The following CDKN1B variants were observed in gnomAD, a reference collection of about 807,000 sequenced individuals.
The protein encoded by CDKN1B is cyclin dependent kinase inhibitor 1B.
CDKN1B carries 7 observed loss-of-function variants against 17.1 expected under a neutral mutation model. The observed-to-expected ratio is 0.41, with a 90% confidence interval of 0.23 to 0.77. The LOEUF is 0.77. CDKN1B is among the 30% of genes least tolerant of loss of function. CDKN1B has a pLI of 0.33. For synonymous variants in CDKN1B, 149 were observed against 104.3 expected (o/e 1.43, Z -2.61); for missense variants, 337 against 262.0 (o/e 1.29, Z -1.98).
rs1245541652 is a variant in CDKN1B at position 12,717,827 on chromosome 12, A to G, written c.-13A>G. Reference sequence around the variant, plus strand: ...GAGTGCGAGAGAGGCGGTCGTGCAGACCCGGGAGAAAGATGTCAAACGTGC... The same window carrying G: ...GAGTGCGAGAGAGGCGGTCGTGCAGGCCCGGGAGAAAGATGTCAAACGTGC... On this transcript the variant is annotated 5_prime_UTR_variant, in exon 1 of 3. Coordinates refer to ENST00000228872, the MANE Select transcript of CDKN1B (RefSeq NM_004064.5). 1.2e-6 allele frequency: 2 copies of G among 1,610,926 alleles called. No individual in the cohort carries two copies. Among genetic ancestry groups the G allele is most frequent in the Non-Finnish European group, 1.7e-6 (2 of 1,179,786 alleles).
chr12:12,717,423 C>T lies in CDKN1B; in HGVS notation c.-417C>T, dbSNP rs1003239437. 17 of 1,228,974 alleles carry T rather than the reference C, an allele frequency of 1.4e-5. No individual in the cohort carries two copies. The highest frequency in any genetic ancestry group is 3.8e-5 in the East Asian group (1 of 26,558). 76.1% of individuals were successfully genotyped at this position (1,228,974 alleles called of 1,614,324 possible). A position where few individuals can be genotyped will look rare whatever the true frequency, so the allele number is the denominator to read the frequency against. ...ATTGGGCCACTAAAAAAAGGGGGCT[C>T]GTCTTTTCGGGGTGTTTTTCTCCCC... On this transcript the variant is annotated 5_prime_UTR_variant, in exon 1 of 3. Coordinates refer to ENST00000228872, the MANE Select transcript of CDKN1B (RefSeq NM_004064.5).
rs1198686310 is a variant in CDKN1B, at chr12:12,718,095, G to C, written c.256G>C (p.Glu86Gln). ...AGAGGTGGAGAAGGGCAGCTTGCCC[G>C]AGTTCTACTACAGACCCCCGCGGCC... ...WQEVEKGSLP[E>Q]FYYRPPRPPK... Residue 86 changes from glutamate (E) to glutamine (Q), a missense_variant, in exon 1 of 3, where the codon GAG becomes CAG. Transcript: ENST00000228872. 1 of 1,614,218 alleles carries C rather than the reference G, an allele frequency of 6.2e-7. No individual in the cohort carries two copies. The highest frequency in any genetic ancestry group is 8.5e-7 in the Non-Finnish European group (1 of 1,180,032).
In CDKN1B at chr12:12,718,273, C is replaced by T. The variant is rs1946499288; in HGVS notation, c.434C>T (p.Ala145Val). The T allele has an allele frequency of 6.3e-7, 1 of 1,599,564 alleles. No homozygotes were observed. The highest frequency in any genetic ancestry group is 8.5e-7 in the Non-Finnish European group (1 of 1,174,948). ...TDPSDSQTGL[A>V]EQCAGIRKRP... Reference sequence around the variant, plus strand: ...CCGTCGGACAGCCAGACGGGGTTAGCGGAGCAATGCGCAGGAATAAGGAAG... The same window carrying T: ...CCGTCGGACAGCCAGACGGGGTTAGTGGAGCAATGCGCAGGAATAAGGAAG... Residue 145 changes from alanine to valine, a missense_variant, in exon 1 of 3, where the codon GCG becomes GTG. Transcript: ENST00000228872.
In CDKN1B at chr12:12,718,324, C is replaced by A. The variant is rs36101844; in HGVS notation, c.475+10C>A. ...CGACCTGCAACCGACGGTAATGACC[C>A]TTTCCCAACCATAGAATGTGTTTGG... is the stretch of plus-strand genomic sequence containing the variant. On this transcript the variant is annotated intron_variant, in intron 1 of 2. Coordinates refer to ENST00000228872, the MANE Select transcript of CDKN1B (RefSeq NM_004064.5). The A allele has an allele frequency of 1.9e-6, 3 of 1,598,356 alleles. No individual in the cohort carries two copies. The highest frequency in any genetic ancestry group is 1.7e-4 in the Middle Eastern group (1 of 6,060).
At chr12:12,718,740 CCT>C (rs1946508829) in intron 1 of CDKN1B, 83 bp from the exon 2 acceptor site, 3 of 1,544,894 alleles carry the variant, frequency 1.9e-6, no homozygotes, top group Non-Finnish European at 2.7e-6. Flanking sequence ...TTTTTCATCC[CCT>C]GACTATGGGG....
At chr12:12,719,160 C>G (rs189195640) in intron 2 of CDKN1B, 3 of 612,174 alleles carry the variant, frequency 4.9e-6, no homozygotes, top group Admixed American at 3.0e-5. Flanking sequence ...TCTCTTCAAA[C>G]TGTTGACCAG....
In CDKN1B at chr12:12,718,390, C is replaced by T. The variant is rs1026073042; in HGVS notation, c.475+76C>T. The stretch of plus-strand genomic sequence containing the variant: ...GCTGGAGGGTGTTAACCTTAGCTTG[C>T]TTTTCGGCGTATTCTGATTTAGCTT... On this transcript the variant is annotated intron_variant, in intron 1 of 2. Coordinates refer to ENST00000228872, the MANE Select transcript of CDKN1B (RefSeq NM_004064.5). 7.6e-6 allele frequency: 10 copies of T among 1,324,196 alleles called. No homozygotes were observed. In the African/African-American group the frequency reaches 1.2e-4, roughly 15 times the overall value. 82.0% of individuals were successfully genotyped at this position (1,324,196 alleles called of 1,614,324 possible).
Position 12,719,074 on chromosome 12 carries a change from G to A in CDKN1B, c.*8+120G>A, listed in dbSNP as rs1431777902. ...TGGGGTTTTGTTTTGTTTATACTTCGTGAGGTCAAAAAAGTAGCAATGGGG... is the reference window on the plus strand; with the variant it reads ...TGGGGTTTTGTTTTGTTTATACTTCATGAGGTCAAAAAAGTAGCAATGGGG... On this transcript the variant is annotated intron_variant, in intron 2 of 2. Coordinates refer to ENST00000228872, the MANE Select transcript of CDKN1B (RefSeq NM_004064.5). 2.3e-6 allele frequency: 3 copies of A among 1,310,440 alleles called. No homozygotes were observed. In the African/African-American group the frequency reaches 4.4e-5, roughly 19 times the overall value. The allele number at this position is 1,310,440 out of a possible 1,614,324, so 81.2% of individuals were successfully genotyped here.
At chr12:12,719,199 G>A (rs1946518069) in intron 2 of CDKN1B, 1 of 492,914 alleles carries the variant, frequency 2.0e-6, no homozygotes, top group Non-Finnish European at 3.7e-6. Flanking sequence ...AGGCCCCATC[G>A]GGTAGGAAGG....
In CDKN1B at chr12:12,721,187, A is replaced by G; in HGVS notation, c.*160A>G. ...AAAACAACAACACAATAACACTAAA[A>G]TTTTAGGCACTCTTAAATGATCTGC... On this transcript the variant is annotated 3_prime_UTR_variant, in exon 3 of 3. Coordinates refer to ENST00000228872, the MANE Select transcript of CDKN1B (RefSeq NM_004064.5). 1.3e-6 allele frequency: 1 copy of G among 770,746 alleles called. No individual in the cohort carries two copies. Among genetic ancestry groups the G allele is most frequent in the Non-Finnish European group, 2.4e-6 (1 of 414,584 alleles). The allele number at this position is 770,746 out of a possible 1,614,324, so 47.7% of individuals were successfully genotyped here.
rs1060500192 is a variant in CDKN1B at position 12,718,200 on chromosome 12, G to A, written c.361G>A (p.Ala121Thr). Reference protein sequence around the residue: ...GSRPAAPLIGAPANSEDTHLV... With the variant: ...GSRPAAPLIGTPANSEDTHLV... ...CCGCCCGGCGGCGCCTTTAATTGGG[G>A]CTCCGGCTAACTCTGAGGACACGCA... The change falls in exon 1 of 3, where the codon GCT becomes ACT. Residue 121 changes from alanine to threonine, a missense_variant. Transcript: ENST00000228872. 6 of 1,612,976 alleles carry A rather than the reference G, an allele frequency of 3.7e-6. No homozygotes were observed. The highest frequency in any genetic ancestry group is 1.1e-5 in the South Asian group (1 of 91,088).
intron 2 of CDKN1B, 72 bp from the exon 3 acceptor site, chr12:12,720,964 A>T (rs1415563533): frequency 3.5e-6 from 2 of 566,230 alleles, no homozygotes; most frequent in Non-Finnish European, 6.3e-6. Flanking sequence ...TGACAAAATA[A>T]TTCCTGTACT....
At chr12:12,719,458 A>C (rs552445491) in intron 2 of CDKN1B, 1 of 168,810 alleles carries the variant, frequency 5.9e-6, no homozygotes, top group South Asian at 1.3e-4. Flanking sequence ...AGAGATGTGA[A>C]TAGGATGGTA....
rs1260635377 is a variant in CDKN1B at position 12,718,863 on chromosome 12, G to C, written c.514G>C (p.Glu172Gln). The C allele has an allele frequency of 6.2e-7, 1 of 1,614,138 alleles. No individual in the cohort carries two copies. Among genetic ancestry groups the C allele is most frequent in the East Asian group, 2.2e-5 (1 of 44,888 alleles). ...TQNKRANRTE[E>Q]NVSDGSPNAG... ...AAACAAAAGAGCCAACAGAACAGAA[G>C]AAAATGTTTCAGACGGTTCCCCAAA... The change falls in exon 2 of 3, where the codon GAA becomes CAA. Residue 172 changes from glutamate (E) to glutamine (Q), a missense_variant. Glu to Gln is a conservative substitution (Grantham distance 29). Transcript: ENST00000228872.
At chr12:12,718,763 C>T (rs997603434) in intron 1 of CDKN1B, 62 bp from the exon 2 acceptor site, 9 of 1,601,518 alleles carry the variant, frequency 5.6e-6, no homozygotes, top group Non-Finnish European at 7.7e-6. Flanking sequence ...CCAACTTCTG[C>T]CAGCCATTGT....
intron 2 of CDKN1B, among the ~76,000 whole-genome samples, chr12:12,720,570 CTATT>C (rs1216421692): frequency 1.3e-5 from 2 of 151,938 alleles, no homozygotes; most frequent in Non-Finnish European, 2.9e-5. Context: ...CCTAATTATC[CTATT>C]TATTTCCCAC....
At position 12,721,315 on chromosome 12, in the gene CDKN1B, C is replaced by T. The variant is rs1377803247; in HGVS notation, c.*288C>T. The stretch of plus-strand genomic sequence containing the variant: ...TTTTACCTTTTATGTAGCACATAAA[C>T]TTTGGGGAAGGGAGGGCAGGGTGGG... On this transcript the variant is annotated 3_prime_UTR_variant, in exon 3 of 3. Transcript: ENST00000228872. The T allele has an allele frequency of 2.6e-5, 5 of 194,462 alleles. No homozygotes were observed. The highest frequency in any genetic ancestry group is 4.5e-5 in the Non-Finnish European group (4 of 88,468). The allele number at this position is 194,462 out of a possible 1,614,324, so 12.0% of individuals were successfully genotyped here.
At position 12,718,110 on chromosome 12, in the gene CDKN1B, C is replaced by A. The variant is rs769828807; in HGVS notation, c.271C>A (p.Pro91Thr). Residue 91 changes from proline to threonine, a missense_variant, in exon 1 of 3, where the codon CCC becomes ACC. Physicochemically the swap from Pro to Thr is conservative, Grantham distance 38. Transcript: ENST00000228872. ...CAGCTTGCCCGAGTTCTACTACAGA[C>A]CCCCGCGGCCCCCCAAAGGTGCCTG... ...KGSLPEFYYR[P>T]PRPPKGACKV... 2.5e-6 allele frequency: 4 copies of A among 1,614,102 alleles called. No homozygotes were observed. In the East Asian group the frequency reaches 6.7e-5, roughly 27 times the overall value.
rs1592282979 is a variant in CDKN1B at position 12,721,912 on chromosome 12, C to T, written c.*885C>T. The T allele has an allele frequency of 1.3e-5, 2 of 152,192 alleles. No individual in the cohort carries two copies. Among genetic ancestry groups the T allele is most frequent in the African/African-American group, 4.8e-5 (2 of 41,432 alleles). 9.4% of individuals were successfully genotyped at this position (152,192 alleles called of 1,614,324 possible). A position where few individuals can be genotyped will look rare whatever the true frequency, so the allele number is the denominator to read the frequency against. ...TTTTAAAGATCTGTAAGTAACTTCA[C>T]ATTAAAAAATGAAATATTTTTTAAT... On this transcript the variant is annotated 3_prime_UTR_variant, in exon 3 of 3. Coordinates refer to ENST00000228872, the MANE Select transcript of CDKN1B (RefSeq NM_004064.5).
Sources: gnomAD v4.1 joint callset for allele counts (sites outside exome capture counted in the v4.1 genomes callset) on GRCh38, gnomAD v4.1.1 for gene constraint, MANE v1.5 for transcripts, NCBI Gene and HGNC (gene_info 2026-07-23, HGNC 2026-07-21) for gene names.